The following GRIK2 variants were observed in gnomAD, a reference collection of about 807,000 sequenced individuals.
GRIK2 encodes the protein glutamate ionotropic receptor kainate type subunit 2, also known as glutamate receptor ionotropic, kainate 2.
GRIK2 carries 32 observed loss-of-function variants against 100.3 expected under a neutral mutation model. The ratio of observed to expected loss-of-function variants is 0.32; its 90% CI spans 0.24 to 0.43. The LOEUF (loss-of-function observed/expected upper bound fraction) is 0.43, where lower values mean the gene tolerates loss of function less well. Among genes scored for constraint, GRIK2 ranks in the 20% least tolerant of loss-of-function variants. GRIK2 has a pLI of 1.00. For missense variants in GRIK2, 843 were observed against 1,114.9 expected, an observed-to-expected ratio of 0.76 and a Z score of 3.47; for synonymous variants, 417 against 389.4, an observed-to-expected ratio of 1.07 and a Z score of -0.83.
intron 2 of GRIK2, among the ~76,000 whole-genome samples, chr6:101,547,834 C>T (rs1442391757): frequency 6.6e-6 from 1 of 151,720 alleles, no homozygotes; most frequent in Non-Finnish European, 1.5e-5. Context: ...GGTATATACC[C>T]AGTAATGAGA....
chr6:101,567,875 A>G (rs746374736), intron 2 of GRIK2, among the ~76,000 whole-genome samples: 2 of 151,994 alleles, frequency 1.3e-5, no homozygotes, highest in Non-Finnish European at 2.9e-5. Context: ...ATTTACCATC[A>G]TAAGATAATT....
intron 11 of GRIK2, 46 bp from the exon 12 acceptor site, chr6:101,889,594 T>C: frequency 9.5e-7 from 1 of 1,057,236 alleles, no homozygotes; most frequent in Non-Finnish European, 1.4e-6. Context: ...TTTTTCTCTC[T>C]TTCTTTCTTT....
intron 2 of GRIK2, among the ~76,000 whole-genome samples, chr6:101,498,943 C>T (rs1481641864): frequency 6.6e-6 from 1 of 152,052 alleles, no homozygotes; most frequent in Non-Finnish European, 1.5e-5. Flanking sequence ...AGTCCTTGCC[C>T]ATGCCTATGT....
intron 14 of GRIK2, among the ~76,000 whole-genome samples, chr6:102,027,711 T>C (rs1186605768): frequency 6.6e-6 from 1 of 151,096 alleles, no homozygotes; most frequent in Non-Finnish European, 1.5e-5. Context: ...GTTATTTTCT[T>C]ATCACTTTTA....
At chr6:101,618,407 A>G (rs1779997356) in intron 2 of GRIK2, among the ~76,000 whole-genome samples, 1 of 151,734 alleles carries the variant, frequency 6.6e-6, no homozygotes, top group Non-Finnish European at 1.5e-5. Context: ...TTCTTGAATT[A>G]CTATGTTCAG....
chr6:101,710,889 A>T (rs1224485948), intron 7 of GRIK2, among the ~76,000 whole-genome samples: 1 of 151,854 alleles, frequency 6.6e-6, no homozygotes, highest in Non-Finnish European at 1.5e-5. Context: ...AAGCCTTAAG[A>T]TAATTTTTAT....
intron 7 of GRIK2, among the ~76,000 whole-genome samples, chr6:101,751,021 C>A (rs1019393672): frequency 1.3e-5 from 2 of 152,110 alleles, no homozygotes; most frequent in South Asian, 2.1e-4. Context: ...AACATTGAGA[C>A]CCTCTTTTAC....
rs1467999214 is a variant in GRIK2, at chr6:102,055,578, A to G, written c.2560A>G (p.Lys854Glu). Residue 854 changes from lysine to glutamate, a missense_variant and splice_region_variant, in exon 16 of 17, where the codon AAG (lysine) becomes GAG (glutamate). Around this residue, in one of 3 missense-constraint regions of GRIK2, gnomAD observed 87 missense variants for 83.2 expected, o/e 1.05. Transcript: ENST00000369134. Reference protein sequence around the residue: ...YKSKKNAQLEKRSFCSAMVEE... With the variant: ...YKSKKNAQLEERSFCSAMVEE... ...ATCCAAAAAAAACGCTCAATTGGAA[A>G]AGGTAAATGTTACTTGTTTCAGTTT... is the stretch of plus-strand genomic sequence containing the variant. 3 of 1,601,338 alleles carry G rather than the reference A, an allele frequency of 1.9e-6. No individual in the cohort carries two copies. Among genetic ancestry groups the G allele is most frequent in the East Asian group, 2.2e-5 (1 of 44,772 alleles).
intron 2 of GRIK2, among the ~76,000 whole-genome samples, chr6:101,451,700 G>GA (rs1770699163): frequency 1.7e-5 from 1 of 59,794 alleles, no homozygotes; most frequent in Non-Finnish European, 3.9e-5. Flanking sequence ...CTCTGAGGGG[G>GA]GGGGGGGTGC....
chr6:101,489,513 G>C (rs1772997324), intron 2 of GRIK2, among the ~76,000 whole-genome samples: 1 of 145,764 alleles, frequency 6.9e-6, no homozygotes, highest in Non-Finnish European at 1.5e-5. Flanking sequence ...CATAGAAGCT[G>C]GATCCATGAA....
chr6:101,440,798 TCTGCGCC>T, intron 2 of GRIK2, among the ~76,000 whole-genome samples: 1 of 152,122 alleles, frequency 6.6e-6, no homozygotes, highest in South Asian at 2.1e-4. Context: ...CCTGTGTTTG[TCTGCGCC>T]CTTCCTCCTA....
chr6:101,689,737 A>T (rs1771955192), intron 7 of GRIK2, among the ~76,000 whole-genome samples: 1 of 152,116 alleles, frequency 6.6e-6, no homozygotes, highest in Admixed American at 6.6e-5. Flanking sequence ...TTTTCTTTTA[A>T]CATATGATAT....
chr6:101,659,274 T>G (rs1769426161), intron 4 of GRIK2, among the ~76,000 whole-genome samples: 1 of 152,226 alleles, frequency 6.6e-6, no homozygotes, highest in South Asian at 2.1e-4. Context: ...TAGGGAATCC[T>G]TTCCTTACTG....
At chr6:101,565,233 T>C (rs1439736158) in intron 2 of GRIK2, among the ~76,000 whole-genome samples, 1 of 152,070 alleles carries the variant, frequency 6.6e-6, no homozygotes, top group Non-Finnish European at 1.5e-5. Context: ...TCTAAAGTGG[T>C]TCCTCGAACA....
intron 2 of GRIK2, among the ~76,000 whole-genome samples, chr6:101,536,860 A>G (rs183437415): frequency 1.3e-5 from 2 of 151,754 alleles, no homozygotes; most frequent in Non-Finnish European, 3.0e-5. Context: ...AGTTTTAATC[A>G]ATGTCCCATT....
chr6:101,787,079 C>G (rs1779474114), intron 7 of GRIK2, among the ~76,000 whole-genome samples: 1 of 151,862 alleles, frequency 6.6e-6, no homozygotes, highest in Admixed American at 6.6e-5. Context: ...TTATCCATTT[C>G]CTATAAATTT....
At chr6:102,041,116 T>G (rs1582771953) in intron 15 of GRIK2, among the ~76,000 whole-genome samples, 2 of 151,574 alleles carry the variant, frequency 1.3e-5, no homozygotes, top group East Asian at 3.9e-4. Context: ...TTATGCCTGC[T>G]CCACAGACAT....
chr6:101,698,431 T>C lies in GRIK2; in HGVS notation c.951+12078T>C, dbSNP rs183759896. 6.0e-3 allele frequency among the ~76,000 whole-genome samples: 908 copies of C among 152,220 alleles called. 8 individuals carry two copies. Among genetic ancestry groups the C allele is most frequent in the Non-Finnish European group, 8.3e-3 (563 of 67,994 alleles). On this transcript the variant is annotated intron_variant, in intron 7 of 16. Coordinates refer to ENST00000369134, the MANE Select transcript of GRIK2 (RefSeq NM_021956.5). ...TATTAGGAATTCTCCTGCTTTATTATGCAGAGGAAATATTATGTTGATCTT... is the reference window on the plus strand; with the variant it reads ...TATTAGGAATTCTCCTGCTTTATTACGCAGAGGAAATATTATGTTGATCTT...
chr6:101,419,792 T>G (rs1776327048), intron 2 of GRIK2, among the ~76,000 whole-genome samples: 1 of 152,216 alleles, frequency 6.6e-6, no homozygotes, highest in African/African-American at 2.4e-5. Context: ...ACAACTTGAA[T>G]GTAGTTGAAT....
Sources: gnomAD v4.1 joint callset for allele counts (sites outside exome capture counted in the v4.1 genomes callset) on GRCh38, gnomAD v4.1.1 for gene constraint, gnomAD v4.1.1 regional missense constraint, MANE v1.5 for transcripts, NCBI Gene and HGNC (gene_info 2026-07-23, HGNC 2026-07-21) for gene names.